Variants in TARS1 observed in about 807,000 individuals in gnomAD.
TARS1 encodes threonyl-tRNA synthetase 1, also known as threonine--tRNA ligase 1, cytoplasmic.
A neutral mutation model predicts 97.7 loss-of-function variants in TARS1; 57 were observed. That is an observed-to-expected ratio of 0.58 (90% CI 0.47 to 0.73). The LOEUF (loss-of-function observed/expected upper bound fraction) is 0.73. Among genes scored for constraint, TARS1 ranks in the 30% least tolerant of loss-of-function variants. The pLI is 0.00. For synonymous variants in TARS1, 312 were observed against 293.7 expected, an observed-to-expected ratio of 1.06 and a Z score of -0.64; for missense variants, 806 against 888.3, an observed-to-expected ratio of 0.91 and a Z score of 1.18.
intron 3 of TARS1, 21 bp from the exon 4 acceptor site, chr5:33,453,268 T>C (rs1233762635): frequency 2.8e-5 from 39 of 1,389,322 alleles, no homozygotes; most frequent in Admixed American, 2.0e-4. Flanking sequence ...GTGGACTTTT[T>C]TTTTTTTTTT....
upstream of TARS1, chr5:33,440,710 T>G (rs1418813210): frequency 6.9e-6 from 3 of 432,960 alleles, no homozygotes; most frequent in Non-Finnish European, 1.2e-5. Flanking sequence ...TTGTTCCACA[T>G]AAAGTCAGAA....
intron 18 of TARS1, 107 bp from the exon 19 acceptor site, chr5:33,467,453 C>A: frequency 8.0e-7 from 1 of 1,254,340 alleles, no homozygotes; most frequent in Non-Finnish European, 1.1e-6. Flanking sequence ...GTATCAGAAG[C>A]TATGGGGTAG....
At chr5:33,443,907 G>A (rs1741279581) in intron 1 of TARS1, among the ~76,000 whole-genome samples, 1 of 152,050 alleles carries the variant, frequency 6.6e-6, no homozygotes, top group South Asian at 2.1e-4. Context: ...CAGACTTCTG[G>A]AGTAGGGGGG....
intron 3 of TARS1, 100 bp downstream of exon 3, chr5:33,448,831 CCATT>C (rs1388069006): frequency 1.6e-5 from 16 of 996,270 alleles, no homozygotes; most frequent in Non-Finnish European, 2.2e-5. Flanking sequence ...TTTTATGTTA[CCATT>C]CAGTGTTTTT....
chr5:33,453,263 C>CTTTTTT (rs35931457), intron 3 of TARS1, 26 bp from the exon 4 acceptor site: 8 of 1,342,530 alleles, frequency 6.0e-6, no homozygotes, highest in Middle Eastern at 2.2e-4. Context: ...TATGTGTGGA[C>CTTTTTT]TTTTTTTTTT....
intron 10 of TARS1, among the ~76,000 whole-genome samples, chr5:33,459,407 AT>A (rs1234503733): frequency 6.6e-6 from 1 of 152,200 alleles, no homozygotes; most frequent in Admixed American, 6.5e-5. Context: ...GCTACATATT[AT>A]TTTGTTATAT....
intron 1 of TARS1, among the ~76,000 whole-genome samples, chr5:33,444,806 T>C (rs1366076309): frequency 6.6e-6 from 1 of 151,964 alleles, no homozygotes; most frequent in Non-Finnish European, 1.5e-5. Flanking sequence ...GTTACTACTG[T>C]GTTTTCTCCT....
rs553740824 is a variant in TARS1, at chr5:33,443,331, C to G, written c.58-1993C>G. The stretch of plus-strand genomic sequence containing the variant: ...CCTCTCTCTCTCTCCCTCTCTCTCT[C>G]TCTCTCTCTCTCTCTCTCTCTCTCT... On this transcript the variant is annotated intron_variant, in intron 1 of 18. Coordinates refer to ENST00000265112, the MANE Select transcript of TARS1 (RefSeq NM_152295.5). 2.6e-3 allele frequency among the ~76,000 whole-genome samples: 279 copies of G among 105,390 alleles called. 2 individuals carry two copies. The highest frequency in any genetic ancestry group is 0.011 in the African/African-American group (266 of 24,476). 69.1% of individuals were successfully genotyped at this position (105,390 alleles called of 152,430 possible). A position where few individuals can be genotyped will look rare whatever the true frequency, so the allele number is the denominator to read the frequency against.
chr5:33,441,429 T>A, intron 1 of TARS1: 1 of 372,750 alleles, frequency 2.7e-6, no homozygotes, highest in Non-Finnish European at 4.9e-6. Context: ...CTACAGTAGT[T>A]AGACGCGGAG....
chr5:33,451,641 G>A (rs1741740963), intron 3 of TARS1, among the ~76,000 whole-genome samples: 1 of 152,178 alleles, frequency 6.6e-6, no homozygotes, highest in South Asian at 2.1e-4. Context: ...CCAAAGTGCT[G>A]GGATTACAGG....
intron 17 of TARS1, 109 bp from the exon 18 acceptor site, chr5:33,466,762 C>T: frequency 4.7e-6 from 3 of 638,474 alleles, no homozygotes; most frequent in South Asian, 6.5e-5. Flanking sequence ...CTTTAAATTC[C>T]TGGAAGTTCA....
chr5:33,453,445 G>T (rs1454413855), intron 4 of TARS1, 33 bp downstream of exon 4: 5 of 1,610,696 alleles, frequency 3.1e-6, no homozygotes, highest in Non-Finnish European at 4.2e-6. Flanking sequence ...TTGAATTTTA[G>T]GATGCAGATT....
At chr5:33,449,117 A>G (rs1370591884) in intron 3 of TARS1, among the ~76,000 whole-genome samples, 1 of 152,182 alleles carries the variant, frequency 6.6e-6, no homozygotes, top group Non-Finnish European at 1.5e-5. Flanking sequence ...AACACATGAA[A>G]AAAATGTACT....
At chr5:33,440,773 C>G, upstream of TARS1, 1 of 483,512 alleles carries the variant, frequency 2.1e-6, no homozygotes, top group Non-Finnish European at 3.7e-6. Flanking sequence ...GCGTCCAGAC[C>G]AAGGTCAGCG....
intron 1 of TARS1, among the ~76,000 whole-genome samples, chr5:33,444,093 T>C (rs1293734272): frequency 6.6e-6 from 1 of 152,232 alleles, no homozygotes; most frequent in Non-Finnish European, 1.5e-5. Flanking sequence ...ATGACAAGTA[T>C]TGATGCATGT....
Position 33,459,705 on chromosome 5 carries a change from G to A in TARS1, c.1094G>A (p.Arg365Lys). ...TTTATTTTCTATCAGAGCGAATATA[G>A]GAAAAGAGGATTCCAGGAGGTAGTC... ...ALIEFIRSEYRKRGFQEVVTP... is the reference protein window; with the variant it reads ...ALIEFIRSEYKKRGFQEVVTP... The change falls in exon 11 of 19, where the codon AGG becomes AAG. Residue 365 changes from arginine to lysine, a missense_variant. Transcript: ENST00000265112. The A allele has an allele frequency of 6.2e-7, 1 of 1,614,066 alleles. No homozygotes were observed. The highest frequency in any genetic ancestry group is 8.5e-7 in the Non-Finnish European group (1 of 1,179,958).
chr5:33,454,920 A>G (rs761344782), intron 4 of TARS1, 25 bp from the exon 5 acceptor site: 6 of 1,611,710 alleles, frequency 3.7e-6, no homozygotes, highest in African/African-American at 2.7e-5. Context: ...GACTCAGACC[A>G]TGCCATTTTT....
chr5:33,446,854 A>G, intron 2 of TARS1: 1 of 782,396 alleles, frequency 1.3e-6, no homozygotes, highest in Non-Finnish European at 1.8e-6. Flanking sequence ...GTAGAATGAC[A>G]GGCTCTGTCT....
chr5:33,456,178 G>C lies in TARS1; in HGVS notation c.788G>C (p.Gly263Ala), dbSNP rs1742010143. 6.2e-7 allele frequency: 1 copy of C among 1,613,800 alleles called. No individual in the cohort carries two copies. Among genetic ancestry groups the C allele is most frequent in the African/African-American group, 1.3e-5 (1 of 74,876 alleles). ...RCGPLIDLCR[G>A]PHVRHTGKIK... ...GGCCCTTTGATAGATCTCTGCCGGG[G>C]TCCTCATGTTAGACACACGGGCAAA... The change falls in exon 8 of 19, where the codon GGT becomes GCT. Residue 263 changes from glycine (G) to alanine (A), a missense_variant. Around this residue, in one of 3 missense-constraint regions of TARS1, gnomAD observed 356 missense variants for 357.8 expected, o/e 0.99. Coordinates refer to ENST00000265112, the MANE Select transcript of TARS1 (RefSeq NM_152295.5).
Sources: gnomAD v4.1 joint callset for allele counts (sites outside exome capture counted in the v4.1 genomes callset) on GRCh38, gnomAD v4.1.1 for gene constraint, gnomAD v4.1.1 regional missense constraint, MANE v1.5 for transcripts, NCBI Gene and HGNC (gene_info 2026-07-23, HGNC 2026-07-21) for gene names.